NCOR1: variants seen among roughly 807,000 people sequenced by gnomAD.
NCOR1 encodes the protein protein phosphatase 1, regulatory subunit 109.
A neutral mutation model predicts 288.1 loss-of-function variants in NCOR1; 63 were observed. The observed-to-expected ratio is 0.22, with a 90% CI of 0.18 to 0.27. The LOEUF is 0.27. NCOR1 is among the 10% of genes least tolerant of loss of function. The probability of loss-of-function intolerance (pLI) is 1.00; values close to 1 mark genes in which losing one functional copy is unlikely to be tolerated. For synonymous variants in NCOR1, 1,007 were observed against 1,065.9 expected (o/e 0.94, Z 1.08); for missense variants, 2,397 against 3,019.2 (o/e 0.79, Z 4.83).
At position 16,171,820 on chromosome 17, in the gene NCOR1, A is replaced by T. The variant is rs2083192874; in HGVS notation, c.418T>A (p.Ser140Thr). The T allele has an allele frequency of 1.3e-6, 2 of 1,598,328 alleles. No homozygotes were observed. Among genetic ancestry groups the T allele is most frequent in the Non-Finnish European group, 1.7e-6 (2 of 1,174,838 alleles). ...VHPLPEGLRA[S>T]ADAKKDPAFG... ...ATATTTACCTTCTTAGCATCTGCAG[A>T]AGCCCTCAGCCCTTCTGGCAGCGGG... Residue 140 changes from serine to threonine, a missense_variant, in exon 4 of 46, where the codon TCT becomes ACT. Physicochemically the swap from Ser to Thr is moderately conservative, Grantham distance 58. Coordinates refer to ENST00000268712, the MANE Select transcript of NCOR1 (RefSeq NM_006311.4).
At chr17:16,124,212 G>A (rs1303651062) in intron 15 of NCOR1, among the ~76,000 whole-genome samples, 1 of 152,026 alleles carries the variant, frequency 6.6e-6, no homozygotes, top group Non-Finnish European at 1.5e-5. Context: ...AGTTCCACAA[G>A]GACTATAGAT....
In NCOR1 at chr17:16,062,136, G is replaced by A; in HGVS notation, c.5356C>T (p.Pro1786Ser). ...CGTAGCTGAGCAGTTGGATCCAAAG[G>A]TGTGATTACACTGGTTCCATTGGTT... is the stretch of plus-strand genomic sequence containing the variant. ...QGTNGTSVIT[P>S]LDPTAQLRIM... Residue 1786 changes from proline to serine, a missense_variant, in exon 36 of 46, where the codon CCT becomes TCT. Physicochemically the swap from Pro to Ser is moderately conservative, Grantham distance 74. Around this residue, in one of 11 missense-constraint regions of NCOR1, gnomAD observed 1,872 missense variants for 2,187.8 expected, o/e 0.86. Transcript: ENST00000268712. The A allele has an allele frequency of 1.9e-6, 3 of 1,613,544 alleles. No homozygotes were observed. Among genetic ancestry groups the A allele is most frequent in the Non-Finnish European group, 1.7e-6 (2 of 1,179,916 alleles).
chr17:16,172,875 A>G (rs2083383689), intron 3 of NCOR1, among the ~76,000 whole-genome samples: 3 of 152,218 alleles, frequency 2.0e-5, no homozygotes, highest in Non-Finnish European at 4.4e-5. Context: ...TGCTTTGCAA[A>G]GCAATATTTC....
intron 1 of NCOR1, chr17:16,198,631 C>T (rs796713018): frequency 6.6e-6 from 1 of 151,350 alleles, no homozygotes. Flanking sequence ...GAGGCTGAGG[C>T]AGGAGAATCG....
intron 42 of NCOR1, chr17:16,044,369 A>G (rs1237376743): frequency 1.3e-5 from 6 of 470,580 alleles, no homozygotes; most frequent in Non-Finnish European, 2.6e-5. Flanking sequence ...ATTAATCACA[A>G]GAGTGACACA....
intron 14 of NCOR1, 42 bp downstream of exon 14, chr17:16,137,269 C>A: frequency 7.4e-7 from 1 of 1,354,894 alleles, no homozygotes. Context: ...TGCCTATTTC[C>A]CCCAATCCTG....
Position 16,108,842 on chromosome 17 carries a change from T to C in NCOR1, c.2126A>G (p.Gln709Arg), listed in dbSNP as rs532147599. ...CESVASTVSA[Q>R]EDEDIEASNE... Reference sequence around the variant, plus strand: ...GGAGGCTTCAATATCTTCATCCTCCTGAGCAGAAACAGTGGAAGCGACACT... The same window carrying C: ...GGAGGCTTCAATATCTTCATCCTCCCGAGCAGAAACAGTGGAAGCGACACT... Residue 709 changes from glutamine (Q) to arginine (R), a missense_variant, in exon 19 of 46, where the codon CAG (glutamine) becomes CGG (arginine). Gln to Arg is a conservative substitution (Grantham distance 43, BLOSUM62 1). Around this residue, in one of 11 missense-constraint regions of NCOR1, gnomAD observed 1,872 missense variants for 2,187.8 expected, o/e 0.86. Coordinates refer to ENST00000268712, the MANE Select transcript of NCOR1 (RefSeq NM_006311.4). The C allele has an allele frequency of 6.2e-7, 1 of 1,608,238 alleles. No homozygotes were observed. The highest frequency in any genetic ancestry group is 2.2e-5 in the East Asian group (1 of 44,754).
Position 16,134,633 on chromosome 17 carries a change from C to T in NCOR1, c.1509+2678G>A, listed in dbSNP as rs140943175. ...GTCCCAGACAACTTTAGGAAAGAAA[C>T]GACTGTTTCAGAATAACAAACATCC... On this transcript the variant is annotated intron_variant, in intron 14 of 45. Coordinates refer to ENST00000268712, the MANE Select transcript of NCOR1 (RefSeq NM_006311.4). Among the ~76,000 whole-genome samples, 28 of 152,180 alleles carry T rather than the reference C, an allele frequency of 1.8e-4. No homozygotes were observed. The East Asian group carries it at 5.0e-3, about 27-fold the overall frequency.
chr17:16,180,760 T>C (rs116216769), intron 3 of NCOR1, among the ~76,000 whole-genome samples: 1 of 151,568 alleles, frequency 6.6e-6, no homozygotes, highest in Non-Finnish European at 1.5e-5. Flanking sequence ...AAAAAAAGAA[T>C]AAAACAACAA....
At chr17:16,149,579 C>A in intron 8 of NCOR1, 62 bp from the exon 9 acceptor site, 1 of 730,238 alleles carries the variant, frequency 1.4e-6, no homozygotes, top group Non-Finnish European at 2.2e-6. Context: ...AATGCATTCA[C>A]TTTTTTTCCA....
chr17:16,177,662 A>T (rs2084492522), intron 3 of NCOR1, among the ~76,000 whole-genome samples: 1 of 151,988 alleles, frequency 6.6e-6, no homozygotes, highest in Non-Finnish European at 1.5e-5. Flanking sequence ...TCTGCTAAGG[A>T]CTCTGGCCCC....
At chr17:16,064,310 T>A (rs1005861666) in intron 34 of NCOR1, 123 bp from the exon 35 acceptor site, 38 of 1,332,736 alleles carry the variant, frequency 2.9e-5, no homozygotes, top group Middle Eastern at 5.4e-4. Flanking sequence ...ATATAAGAAG[T>A]TTGTTTTGGC....
intron 20 of NCOR1, among the ~76,000 whole-genome samples, chr17:16,099,159 C>T (rs1378299031): frequency 1.3e-5 from 2 of 152,344 alleles, no homozygotes; most frequent in Non-Finnish European, 2.9e-5. Context: ...CGCCACCCCG[C>T]TCACATGAGC....
intron 9 of NCOR1, among the ~76,000 whole-genome samples, chr17:16,148,653 A>C (rs1459854417): frequency 3.7e-5 from 3 of 80,504 alleles, no homozygotes; most frequent in Non-Finnish European, 6.7e-5. Context: ...TGATATTTAT[A>C]TGTTCTTGGC....
At chr17:16,064,417 T>C (rs957606060) in intron 34 of NCOR1, among the ~76,000 whole-genome samples, 5 of 151,682 alleles carry the variant, frequency 3.3e-5, no homozygotes, top group Non-Finnish European at 5.9e-5. Flanking sequence ...CTGGGCAACA[T>C]AGTGAGACCC....
chr17:16,121,609 CA>C (rs1304978396), intron 15 of NCOR1, among the ~76,000 whole-genome samples: 1 of 152,128 alleles, frequency 6.6e-6, no homozygotes, highest in Non-Finnish European at 1.5e-5. Flanking sequence ...CAGCCTACAC[CA>C]AAAGGCAGGA....
intron 37 of NCOR1, among the ~76,000 whole-genome samples, chr17:16,060,153 A>C (rs1264767314): frequency 6.6e-6 from 1 of 152,240 alleles, no homozygotes; most frequent in African/African-American, 2.4e-5. Flanking sequence ...AGTCAAACTG[A>C]AAACCACACT....
intron 30 of NCOR1, among the ~76,000 whole-genome samples, chr17:16,070,789 G>A (rs1179282687): frequency 1.3e-5 from 2 of 152,168 alleles, no homozygotes; most frequent in Admixed American, 6.5e-5. Context: ...CAGCGCTTTG[G>A]GAGGCTGAGG....
chr17:16,183,219 G>A (rs1353140113), intron 3 of NCOR1, among the ~76,000 whole-genome samples: 3 of 83,688 alleles, frequency 3.6e-5, no homozygotes, highest in African/African-American at 5.8e-5. Flanking sequence ...GTACTAGCAA[G>A]AGCAATCAAA....
Sources: gnomAD v4.1 joint callset for allele counts (sites outside exome capture counted in the v4.1 genomes callset) on GRCh38, gnomAD v4.1.1 for gene constraint, gnomAD v4.1.1 regional missense constraint, MANE v1.5 for transcripts, NCBI Gene and HGNC (gene_info 2026-07-23, HGNC 2026-07-21) for gene names.